Variants in MYH14 observed in about 807,000 individuals in gnomAD.
MYH14 encodes the protein myosin-14.
MYH14 carries 123 observed loss-of-function variants against 255.5 expected under a neutral mutation model. The ratio of observed to expected loss-of-function variants is 0.48; its 90% confidence interval spans 0.42 to 0.56. The LOEUF is 0.56. Ranked by LOEUF, MYH14 falls within the 20% of genes least tolerant of loss-of-function variation. The pLI is 0.00. For missense variants in MYH14, 2,423 were observed against 2,802.3 expected (o/e 0.86, Z 3.06); for synonymous variants, 1,095 against 1,161.2 (o/e 0.94, Z 1.16).
Position 50,301,765 on chromosome 19 carries a change from C to T in MYH14, c.5574C>T (p.Arg1858=). The T allele has an allele frequency of 6.2e-7, 1 of 1,613,862 alleles. No individual in the cohort carries two copies. The change falls in exon 40 of 43, where the codon CGC becomes CGT. Residue 1858 remains arginine (R), a synonymous_variant. Coordinates refer to ENST00000642316, the MANE Select transcript of MYH14 (RefSeq NM_001145809.2). ...LERQIQELRG[R]LGEEDAGARA... ...GGCAGATCCAGGAGCTACGGGGACGCCTGGGTGAGGAGGATGCTGGGGCCC... is the reference window on the plus strand; with the variant it reads ...GGCAGATCCAGGAGCTACGGGGACGTCTGGGTGAGGAGGATGCTGGGGCCC...
chr19:50,306,753 T>G (rs2036666194), intron 40 of MYH14, among the ~76,000 whole-genome samples: 1 of 152,198 alleles, frequency 6.6e-6, no homozygotes, highest in Non-Finnish European at 1.5e-5. Flanking sequence ...AACTGTAGTT[T>G]GTAAATGATC....
rs868210810 is a variant in MYH14, at chr19:50,260,795, G to A, written c.2424+80G>A. On this transcript the variant is annotated intron_variant, in intron 20 of 42. Transcript: ENST00000642316. ...AGTGTGCGTGCATGTGTGTGTGCAT[G>A]CATATGTGTGCATGCGTGTGTGTGC... 5 of 1,041,848 alleles carry A rather than the reference G, an allele frequency of 4.8e-6. No homozygotes were observed. In the African/African-American group the frequency reaches 6.6e-5, roughly 14 times the overall value. The allele number at this position is 1,041,848 out of a possible 1,614,324, so 64.5% of individuals were successfully genotyped here.
At chr19:50,249,957 A>G (rs536670982) in intron 14 of MYH14, 134 bp downstream of exon 14, 1 of 1,105,120 alleles carries the variant, frequency 9.0e-7, no homozygotes, top group South Asian at 1.5e-5. Context: ...AGGTGACAGC[A>G]CCTGCTTCCT....
chr19:50,293,085 C>CT lies in MYH14; in HGVS notation c.5257-147dup. 1 of 673,010 alleles carries CT rather than the reference C, an allele frequency of 1.5e-6. No individual in the cohort carries two copies. The highest frequency in any genetic ancestry group is 2.7e-6 in the Non-Finnish European group (1 of 368,072). The allele number at this position is 673,010 out of a possible 1,614,324, so 41.7% of individuals were successfully genotyped here. Reference sequence around the variant, plus strand: ...CTCAGGAGACAGATTTAGGAGACATCTGTAGGTTGCAGCTCATTCCAGGGT... The same window carrying CT: ...CTCAGGAGACAGATTTAGGAGACATCTTGTAGGTTGCAGCTCATTCCAGGGT... On this transcript the variant is annotated intron_variant, in intron 37 of 42. Coordinates refer to ENST00000642316, the MANE Select transcript of MYH14 (RefSeq NM_001145809.2). This position sits in a 1 kb window ranked among gnomAD's most constrained non-coding sequence, Gnocchi z 4.1.
chr19:50,262,279 C>G (rs532953747), intron 21 of MYH14, among the ~76,000 whole-genome samples: 1 of 152,204 alleles, frequency 6.6e-6, no homozygotes, highest in East Asian at 1.9e-4. Context: ...TCAGAGAGGC[C>G]GGGCACGGTG....
chr19:50,308,914 C>A (rs1171968138), intron 41 of MYH14, 91 bp from the exon 42 acceptor site: 2 of 1,237,174 alleles, frequency 1.6e-6, no homozygotes, highest in Non-Finnish European at 2.2e-6. Flanking sequence ...AGTCAGGGGG[C>A]AGTAGGGATG....
chr19:50,230,430 A>G lies in MYH14; in HGVS notation c.875-95A>G. 9.1e-7 allele frequency: 1 copy of G among 1,096,406 alleles called. No individual in the cohort carries two copies. The allele number at this position is 1,096,406 out of a possible 1,614,324, so 67.9% of individuals were successfully genotyped here. ...GAGCGACTCCACTACACCACAGGAG[A>G]GAAGGGGGCAGCGTGGGCAGGGCAG... On this transcript the variant is annotated intron_variant, in intron 8 of 42. Transcript: ENST00000642316. This position sits in a 1 kb window ranked among gnomAD's most constrained non-coding sequence, Gnocchi z 4.7.
intron 1 of MYH14, among the ~76,000 whole-genome samples, chr19:50,204,327 G>C (rs1297317269): frequency 6.6e-6 from 1 of 152,118 alleles, no homozygotes; most frequent in African/African-American, 2.4e-5. Context: ...AGTCCCACAG[G>C]AGTCCCCTAA....
At chr19:50,251,513 A>ACACAC (rs2034383400) in intron 15 of MYH14, among the ~76,000 whole-genome samples, 1 of 23,488 alleles carries the variant, frequency 4.3e-5, no homozygotes, top group South Asian at 1.4e-3. Flanking sequence ...ACATATATAT[A>ACACAC]TACACACTAC....
At chr19:50,267,063 C>A in intron 23 of MYH14, 55 bp downstream of exon 23, 2 of 1,475,708 alleles carry the variant, frequency 1.4e-6, no homozygotes, top group Non-Finnish European at 1.8e-6. Context: ...GGCTGTGTCG[C>A]ATGGGTGGAG....
intron 29 of MYH14, among the ~76,000 whole-genome samples, chr19:50,277,321 A>G (rs1455153794): frequency 6.6e-6 from 1 of 152,116 alleles, no homozygotes; most frequent in Non-Finnish European, 1.5e-5. Flanking sequence ...AGGGTAAAAA[A>G]CTGAGGGAGT....
Position 50,247,044 on chromosome 19 carries a change from G to A in MYH14, c.1251G>A (p.Thr417=), listed in dbSNP as rs759132835. Residue 417 remains threonine (T), a synonymous_variant, in exon 12 of 43, where the codon ACG becomes ACA. Coordinates refer to ENST00000642316, the MANE Select transcript of MYH14 (RefSeq NM_001145809.2). ...KLCRLLGLGV[T]DFSRALLTPR... ...GCCGCCTCTTGGGACTGGGGGTGAC[G>A]GATTTCTCCCGAGCCTTGCTCACCC... The A allele has an allele frequency of 3.3e-5, 54 of 1,613,174 alleles. No individual in the cohort carries two copies. The Admixed American group carries it at 7.5e-4, about 22-fold the overall frequency.
intron 34 of MYH14, among the ~76,000 whole-genome samples, chr19:50,288,193 G>A (rs1296782162): frequency 6.6e-6 from 1 of 152,214 alleles, no homozygotes; most frequent in Non-Finnish European, 1.5e-5. Context: ...ATGATGGGAG[G>A]CACTGGCAGA....
At chr19:50,210,229 C>G in intron 1 of MYH14, 134 bp from the exon 2 acceptor site, 4 of 746,714 alleles carry the variant, frequency 5.4e-6, no homozygotes, top group Non-Finnish European at 8.1e-6. Flanking sequence ...GTCTGTTAAC[C>G]CACTTTGCAG....
intron 10 of MYH14, among the ~76,000 whole-genome samples, chr19:50,237,469 G>T (rs1488306890): frequency 6.6e-6 from 1 of 152,118 alleles, no homozygotes; most frequent in African/African-American, 2.4e-5. Flanking sequence ...GGGATTACAG[G>T]CATGTGCCAC....
intron 39 of MYH14, among the ~76,000 whole-genome samples, chr19:50,301,149 C>T (rs145918831): frequency 1.3e-5 from 2 of 152,312 alleles, no homozygotes; most frequent in East Asian, 3.9e-4. Context: ...CACGTAGCAG[C>T]TACTGTTTAT....
At chr19:50,208,129 A>T (rs776093959) in intron 1 of MYH14, among the ~76,000 whole-genome samples, 1 of 152,140 alleles carries the variant, frequency 6.6e-6, no homozygotes, top group Non-Finnish European at 1.5e-5. Context: ...TTAATGTACT[A>T]TCTGGCCGGG....
chr19:50,296,317 A>G (rs1193824471), intron 39 of MYH14, among the ~76,000 whole-genome samples: 1 of 151,792 alleles, frequency 6.6e-6, no homozygotes, highest in African/African-American at 2.4e-5. Context: ...TCTAAAAGAA[A>G]CTGGGGCTGG....
At chr19:50,291,449 C>T (rs552386234) in intron 36 of MYH14, among the ~76,000 whole-genome samples, 8 of 152,064 alleles carry the variant, frequency 5.3e-5, no homozygotes, top group African/African-American at 1.4e-4. Context: ...TACAGGCGTG[C>T]GCCATAATTT....
Sources: allele counts gnomAD v4.1 joint callset (sites outside exome capture counted in the v4.1 genomes callset), GRCh38; gene constraint gnomAD v4.1.1; non-coding constraint Gnocchi (gnomAD v3.1); transcripts MANE v1.5; gene names NCBI Gene and HGNC (gene_info 2026-07-23, HGNC 2026-07-21).